The following PRKAG2 variants were observed in gnomAD, a reference collection of about 807,000 sequenced individuals.
PRKAG2 encodes the protein 5'-AMP-activated protein kinase subunit gamma-2.
A neutral mutation model predicts 69.6 loss-of-function variants in PRKAG2; 26 were observed. That is an observed-to-expected ratio of 0.37 (90% CI 0.27 to 0.52). PRKAG2 has a LOEUF of 0.52. Among genes scored for constraint, PRKAG2 ranks in the 20% least tolerant of loss-of-function variants. The pLI is 0.90. For missense variants in PRKAG2, 557 were observed against 740.0 expected, an observed-to-expected ratio of 0.75 and a Z score of 2.87; for synonymous variants, 293 against 285.0, an observed-to-expected ratio of 1.03 and a Z score of -0.28.
At chr7:151,646,698 TC>T (rs1827620802) in intron 4 of PRKAG2, among the ~76,000 whole-genome samples, 2 of 152,214 alleles carry the variant, frequency 1.3e-5, no homozygotes, top group African/African-American at 4.8e-5. Flanking sequence ...TAACTCTGAT[TC>T]TTATCAAAAT....
chr7:151,617,985 A>G (rs181269878), intron 5 of PRKAG2, among the ~76,000 whole-genome samples: 68 of 152,326 alleles, frequency 4.5e-4, no homozygotes, highest in Non-Finnish European at 6.3e-4. Flanking sequence ...TAAGCAAAGA[A>G]GAGGAATGTG....
chr7:151,599,838 A>G (rs1815594407), intron 5 of PRKAG2, among the ~76,000 whole-genome samples: 1 of 152,166 alleles, frequency 6.6e-6, no homozygotes, highest in Non-Finnish European at 1.5e-5. Flanking sequence ...CCCCTGACCT[A>G]TAAGACCTGG....
chr7:151,682,769 T>C (rs1834072977), intron 3 of PRKAG2, among the ~76,000 whole-genome samples: 1 of 137,614 alleles, frequency 7.3e-6, no homozygotes, highest in Admixed American at 8.2e-5. Context: ...TGCAATAAAG[T>C]CGAGAACCAG....
intron 4 of PRKAG2, among the ~76,000 whole-genome samples, chr7:151,673,911 C>T (rs543989299): frequency 3.4e-4 from 50 of 146,908 alleles, no homozygotes; most frequent in African/African-American, 1.0e-3. Flanking sequence ...GGTGCAATCT[C>T]GGCTCACTGC....
chr7:151,755,412 G>C (rs1192856309), intron 3 of PRKAG2, among the ~76,000 whole-genome samples: 1 of 152,104 alleles, frequency 6.6e-6, no homozygotes, highest in African/African-American at 2.4e-5. Context: ...CAGGGGGTGG[G>C]TGTGCACAAG....
intron 7 of PRKAG2, among the ~76,000 whole-genome samples, chr7:151,575,473 C>G (rs750804978): frequency 6.6e-6 from 1 of 152,060 alleles, no homozygotes; most frequent in Non-Finnish European, 1.5e-5. Context: ...GCAGACATAA[C>G]GATCATTTCA....
chr7:151,667,948 G>T (rs1451287207), intron 4 of PRKAG2, among the ~76,000 whole-genome samples: 2 of 152,220 alleles, frequency 1.3e-5, no homozygotes, highest in Admixed American at 6.5e-5. Flanking sequence ...GGAGGTTATT[G>T]CTATGCAGCA....
At chr7:151,868,413 A>T (rs899216561) in intron 1 of PRKAG2, among the ~76,000 whole-genome samples, 2 of 152,248 alleles carry the variant, frequency 1.3e-5, no homozygotes, top group African/African-American at 4.8e-5. Flanking sequence ...CGTATGGTTA[A>T]GCCCGAAGGA....
At chr7:151,667,568 A>G (rs568359623) in intron 4 of PRKAG2, among the ~76,000 whole-genome samples, 39 of 152,268 alleles carry the variant, frequency 2.6e-4, no homozygotes, top group Non-Finnish European at 4.7e-4. Flanking sequence ...TTGTTGGCCA[A>G]AGCAAATCAT....
intron 3 of PRKAG2, among the ~76,000 whole-genome samples, chr7:151,775,282 TG>T (rs1284167010): frequency 3.3e-5 from 5 of 152,136 alleles, no homozygotes; most frequent in Non-Finnish European, 5.9e-5. Flanking sequence ...CCGCCCTGAT[TG>T]ATTCAGGGAT....
chr7:151,570,346 AAG>A, intron 9 of PRKAG2, 121 bp from the exon 10 acceptor site: 1 of 1,161,078 alleles, frequency 8.6e-7, no homozygotes, highest in Non-Finnish European at 1.2e-6. Flanking sequence ...CTCAAATAAA[AAG>A]AAATTTAATT....
chr7:151,833,651 C>T (rs974645225), intron 1 of PRKAG2, among the ~76,000 whole-genome samples: 9 of 152,190 alleles, frequency 5.9e-5, no homozygotes, highest in South Asian at 2.1e-4. Context: ...CTAACTCCAG[C>T]GGGCTTTTCA....
Position 151,719,388 on chromosome 7 carries a change from C to A in PRKAG2, c.467-43751G>T, listed in dbSNP as rs772426986. ...GGGAGCTGGGCTATAACTTCCGCTT[C>A]CCCCTTCACACAGAGACCATGCTCC... On this transcript the variant is annotated intron_variant, in intron 3 of 15. Coordinates refer to ENST00000287878, the MANE Select transcript of PRKAG2 (RefSeq NM_016203.4). The surrounding 1 kb of genome is among the most constrained non-coding windows in gnomAD (Gnocchi z 5.2). Among the ~76,000 whole-genome samples the A allele has an allele frequency of 2.0e-5, 3 of 152,130 alleles. No homozygotes were observed. Among genetic ancestry groups the A allele is most frequent in the Admixed American group, 6.5e-5 (1 of 15,288 alleles).
rs2078962459 is a variant in PRKAG2 at position 151,828,791 on chromosome 7, A to G, written c.115-42250T>C. ...AAAAAACTTTAAAAGTCAGTGGGGC[A>G]TGGTGGCTACTGAGGAGGCTGAGGT... is the stretch of plus-strand genomic sequence containing the variant. On this transcript the variant is annotated intron_variant, in intron 1 of 15. Transcript: ENST00000287878. The surrounding 1 kb of genome is among the most constrained non-coding windows in gnomAD (Gnocchi z 4.6). Among the ~76,000 whole-genome samples, 1 of 152,080 alleles carries G rather than the reference A, an allele frequency of 6.6e-6. No individual in the cohort carries two copies. Among genetic ancestry groups the G allele is most frequent in the Non-Finnish European group, 1.5e-5 (1 of 68,000 alleles).
At chr7:151,760,518 C>T (rs1361043211) in intron 3 of PRKAG2, among the ~76,000 whole-genome samples, 1 of 152,206 alleles carries the variant, frequency 6.6e-6, no homozygotes, top group Non-Finnish European at 1.5e-5. Flanking sequence ...GGATTACAGG[C>T]ATGAGCCACT....
At chr7:151,774,619 C>T (rs1256565701) in intron 3 of PRKAG2, among the ~76,000 whole-genome samples, 1 of 152,132 alleles carries the variant, frequency 6.6e-6, no homozygotes, top group Non-Finnish European at 1.5e-5. Context: ...CCAGCCTGGC[C>T]AACATGGCGA....
At chr7:151,734,040 C>A (rs1362583986) in intron 3 of PRKAG2, among the ~76,000 whole-genome samples, 1 of 152,058 alleles carries the variant, frequency 6.6e-6, no homozygotes, top group African/African-American at 2.4e-5. Flanking sequence ...TCCTGAGTAG[C>A]TGGAACTCTA....
intron 3 of PRKAG2, among the ~76,000 whole-genome samples, chr7:151,706,262 C>G (rs1167456259): frequency 6.6e-6 from 1 of 152,212 alleles, no homozygotes; most frequent in African/African-American, 2.4e-5. Context: ...TGCCTCTTTG[C>G]CCTGTAGCAC....
At chr7:151,639,574 G>C (rs1197579666) in intron 4 of PRKAG2, among the ~76,000 whole-genome samples, 1 of 152,192 alleles carries the variant, frequency 6.6e-6, no homozygotes, top group Non-Finnish European at 1.5e-5. Flanking sequence ...GGTGACAGAG[G>C]ATTTCCTTGC....
Sources: allele counts gnomAD v4.1 joint callset (sites outside exome capture counted in the v4.1 genomes callset), GRCh38; gene constraint gnomAD v4.1.1; non-coding constraint Gnocchi (gnomAD v3.1); transcripts MANE v1.5; gene names NCBI Gene and HGNC (gene_info 2026-07-23, HGNC 2026-07-21).